The following WDR48 variants were observed in gnomAD, a reference collection of about 807,000 sequenced individuals.
WDR48 encodes WD repeat domain 48, also known as WD repeat-containing protein 48.
In WDR48, 22 loss-of-function variants were observed where a neutral mutation model predicts 94.0. That is an observed-to-expected ratio of 0.23 (90% CI 0.17 to 0.33). The LOEUF is 0.33. Ranked by LOEUF, WDR48 falls within the 10% of genes least tolerant of loss-of-function variation. The probability of loss-of-function intolerance (pLI) is 1.00; values close to 1 mark genes in which losing one functional copy is unlikely to be tolerated. For missense variants in WDR48, 541 were observed against 813.8 expected, an observed-to-expected ratio of 0.66 and a Z score of 4.08; for synonymous variants, 278 against 280.5, an observed-to-expected ratio of 0.99 and a Z score of 0.09.
In WDR48 at chr3:39,089,270, G is replaced by A; in HGVS notation, c.1620G>A (p.Met540Ile). 6.2e-7 allele frequency: 1 copy of A among 1,613,546 alleles called. No homozygotes were observed. Among genetic ancestry groups the A allele is most frequent in the Non-Finnish European group, 8.5e-7 (1 of 1,179,748 alleles). ...ATTCCGGGGGTGAGACTGAGTCTAT[G>A]CTTCTTAATGAAACAGTGCCACAAT... The part of the protein sequence containing the change: ...CRDSGGETES[M>I]LLNETVPQWV... Residue 540 changes from methionine (M) to isoleucine (I), a missense_variant, in exon 16 of 19, where the codon ATG becomes ATA. Around this residue, in one of 5 missense-constraint regions of WDR48, gnomAD observed 109 missense variants for 195.5 expected, o/e 0.56. Coordinates refer to ENST00000302313, the MANE Select transcript of WDR48 (RefSeq NM_020839.4).
Position 39,088,198 on chromosome 3 carries a change from G to C in WDR48, c.1545G>C (p.Val515=). The change falls in exon 15 of 19, where the codon GTG becomes GTC. Residue 515 remains valine, a synonymous_variant. Transcript: ENST00000302313. ...GYFQVPPHTP[V]IFGEAGGRTL... Reference sequence around the variant, plus strand: ...TTCAAGTGCCCCCACATACACCCGTGATCTTTGGTGAAGCTGGAGGTCGCA... The same window carrying C: ...TTCAAGTGCCCCCACATACACCCGTCATCTTTGGTGAAGCTGGAGGTCGCA... The C allele has an allele frequency of 1.9e-6, 3 of 1,614,212 alleles. No homozygotes were observed. Among genetic ancestry groups the C allele is most frequent in the Non-Finnish European group, 2.5e-6 (3 of 1,180,054 alleles).
chr3:39,060,213 A>G (rs1417397077), intron 1 of WDR48, among the ~76,000 whole-genome samples: 1 of 152,060 alleles, frequency 6.6e-6, no homozygotes, highest in African/African-American at 2.4e-5. Context: ...TTCATTAGCA[A>G]TTACTCCCCG....
At chr3:39,089,393 A>G in intron 16 of WDR48, 75 bp downstream of exon 16, 2 of 1,390,542 alleles carry the variant, frequency 1.4e-6, no homozygotes, top group South Asian at 1.4e-5. Context: ...TTTAGACATT[A>G]TAATTTTAAA....
At position 39,088,353 on chromosome 3, in the gene WDR48, A is replaced by C. The variant is rs2034920270; in HGVS notation, c.1580+120A>C. 2.2e-6 allele frequency: 2 copies of C among 930,226 alleles called. 1 individual carries two copies. The highest frequency in any genetic ancestry group is 4.7e-5 in the Admixed American group (2 of 42,994). The allele number at this position is 930,226 out of a possible 1,614,324, so 57.6% of individuals were successfully genotyped here. ...TTTATTATTAAATTCTAGGGATGCC[A>C]GGGATTGGAAGCATCCCATGTCCAT... On this transcript the variant is annotated intron_variant, in intron 15 of 18. Transcript: ENST00000302313.
In WDR48 at chr3:39,074,717, T is replaced by C; in HGVS notation, c.673-9T>C. 6.2e-7 allele frequency: 1 copy of C among 1,613,270 alleles called. No homozygotes were observed. Among genetic ancestry groups the C allele is most frequent in the Non-Finnish European group, 8.5e-7 (1 of 1,179,276 alleles). On this transcript the variant is annotated splice_polypyrimidine_tract_variant and intron_variant, in intron 7 of 18. Coordinates refer to ENST00000302313, the MANE Select transcript of WDR48 (RefSeq NM_020839.4). ...GGCAAGTTCTAACTTTGCCTTTCTT[T>C]GTTTGCAGTGCCTGTCAGGCAGTTC...
intron 10 of WDR48, among the ~76,000 whole-genome samples, chr3:39,078,512 G>A (rs1007234033): frequency 2.0e-5 from 3 of 151,656 alleles, no homozygotes; most frequent in Non-Finnish European, 2.9e-5. Flanking sequence ...CCTGCCTCCC[G>A]GGTTCAAGCC....
At position 39,085,535 on chromosome 3, in the gene WDR48, C is replaced by T; in HGVS notation, c.1399C>T (p.Leu467Phe). Residue 467 changes from leucine (L) to phenylalanine (F), a missense_variant, in exon 14 of 19, where the codon CTC becomes TTC. Leu to Phe is a conservative substitution (Grantham distance 22). This residue lies in a region of WDR48 where 238 missense variants were observed against 285.3 expected (regional missense o/e 0.83). Transcript: ENST00000302313. ...TGCAGTGAATTTAGGAGGACTTTTA[C>T]TCCAAGCACTCCTGGAATATTGGCC... ...DPKLNLGGLL[L>F]QALLEYWPRT... 6.2e-7 allele frequency: 1 copy of T among 1,611,120 alleles called. No individual in the cohort carries two copies. The highest frequency in any genetic ancestry group is 8.5e-7 in the Non-Finnish European group (1 of 1,179,160).
rs958584081 is a variant in WDR48 at position 39,094,830 on chromosome 3, G to T, written c.*87G>T. On this transcript the variant is annotated 3_prime_UTR_variant, in exon 19 of 19. Coordinates refer to ENST00000302313, the MANE Select transcript of WDR48 (RefSeq NM_020839.4). ...CCTAGGAAGCCCACTGATCCCCAAC[G>T]GGAGCAAGACTTCTAACGGCTGATT... 1 of 1,521,128 alleles carries T rather than the reference G, an allele frequency of 6.6e-7. No individual in the cohort carries two copies. The highest frequency in any genetic ancestry group is 8.9e-7 in the Non-Finnish European group (1 of 1,122,710). The allele number at this position is 1,521,128 out of a possible 1,614,324, so 94.2% of individuals were successfully genotyped here.
At chr3:39,073,526 A>G (rs1490022747) in intron 7 of WDR48, among the ~76,000 whole-genome samples, 2 of 152,120 alleles carry the variant, frequency 1.3e-5, no homozygotes, top group African/African-American at 2.4e-5. Flanking sequence ...CTGCTTACTT[A>G]ACTTCATACT....
intron 7 of WDR48, among the ~76,000 whole-genome samples, chr3:39,071,690 A>G (rs2033943265): frequency 6.6e-6 from 1 of 152,244 alleles, no homozygotes; most frequent in East Asian, 1.9e-4. Flanking sequence ...TCAGAGTGCA[A>G]ACTTGATAGG....
chr3:39,084,351 T>C (rs1187072941), intron 12 of WDR48, 89 bp downstream of exon 12: 1 of 925,042 alleles, frequency 1.1e-6, no homozygotes, highest in East Asian at 3.2e-5. Flanking sequence ...GAGTCCTGTG[T>C]TTTTAGGTGT....
Position 39,063,174 on chromosome 3 carries a change from G to A in WDR48, c.173G>A (p.Ser58Asn). The A allele has an allele frequency of 6.2e-7, 1 of 1,614,064 alleles. No homozygotes were observed. Among genetic ancestry groups the A allele is most frequent in the Non-Finnish European group, 8.5e-7 (1 of 1,179,968 alleles). ...AGRDSIIRIW[S>N]VNQHKQDPYI... is the part of the protein sequence containing the mutation. ...CGAGACTCTATCATAAGAATATGGA[G>A]TGTCAATCAGCACAAGGTAATGCAG... The change falls in exon 2 of 19, where the codon AGT becomes AAT. Residue 58 changes from serine to asparagine, a missense_variant. By Grantham distance (46) the Ser-to-Asn change is conservative. Coordinates refer to ENST00000302313, the MANE Select transcript of WDR48 (RefSeq NM_020839.4).
At position 39,052,366 on chromosome 3, in the gene WDR48, C is replaced by T. The variant is rs546369973; in HGVS notation, c.48+293C>T. 3.9e-5 allele frequency: 15 copies of T among 388,654 alleles called. No homozygotes were observed. The South Asian group carries it at 4.1e-4, about 11-fold the overall frequency. 24.1% of individuals were successfully genotyped at this position (388,654 alleles called of 1,614,324 possible). On this transcript the variant is annotated intron_variant, in intron 1 of 18. Transcript: ENST00000302313. Reference sequence around the variant, plus strand: ...AGTGGACTTGCGGGGTCGGGATAGGCTCGTTCCCCGCCCACTTGCCTCCCC... The same window carrying T: ...AGTGGACTTGCGGGGTCGGGATAGGTTCGTTCCCCGCCCACTTGCCTCCCC...
intron 6 of WDR48, 32 bp from the exon 7 acceptor site, chr3:39,069,611 T>C: frequency 6.5e-7 from 1 of 1,532,430 alleles, no homozygotes; most frequent in Non-Finnish European, 9.0e-7. Flanking sequence ...CTGATATATT[T>C]AGTTTGTGTA....
chr3:39,056,750 A>G (rs2032916100), intron 1 of WDR48, among the ~76,000 whole-genome samples: 1 of 152,220 alleles, frequency 6.6e-6, no homozygotes, highest in Admixed American at 6.5e-5. Flanking sequence ...TTGCCAACCC[A>G]TGTGCCTTTT....
chr3:39,081,904 A>T (rs114726685), intron 11 of WDR48, among the ~76,000 whole-genome samples: 2,315 of 152,356 alleles, frequency 0.015, 22 homozygotes, highest in South Asian at 0.042. Flanking sequence ...TCCCATATCT[A>T]GACCTTGAAG....
rs1213540718 is a variant in WDR48 at position 39,091,674 on chromosome 3, C to A, written c.1718C>A (p.Ala573Glu). 1.2e-6 allele frequency: 2 copies of A among 1,607,230 alleles called. No homozygotes were observed. The highest frequency in any genetic ancestry group is 4.5e-5 in the East Asian group (2 of 44,506). Residue 573 changes from alanine (A) to glutamate (E), a missense_variant, in exon 17 of 19, where the codon GCA becomes GAA. Physicochemically the swap from Ala to Glu is moderately radical, Grantham distance 107. Transcript: ENST00000302313. The part of the protein sequence containing the change: ...NKIPFYLQPH[A>E]SSGAKTLKKD... ...ATTCCTTTCTACCTCCAACCTCATG[C>A]ATCTTCAGGAGCAAAAACCTTAAAA...
intron 16 of WDR48, chr3:39,090,882 T>C (rs2035043271): frequency 6.6e-6 from 1 of 152,346 alleles, no homozygotes; most frequent in South Asian, 2.1e-4. Context: ...TATTCCATGG[T>C]CTTCTCTATG....
Position 39,094,672 on chromosome 3 carries a change from CGAACAGTGAAA to C in WDR48, c.1964_1974del (p.Arg655ProfsTer57). 6.2e-7 allele frequency: 1 copy of C among 1,614,122 alleles called. No individual in the cohort carries two copies. Among genetic ancestry groups the C allele is most frequent in the Non-Finnish European group, 8.5e-7 (1 of 1,180,018 alleles). The stretch of plus-strand genomic sequence containing the variant: ...GGTTTTGGATCCAAATATGGACCTT[CGAACAGTGAAA>C]CACTTCATATGGAAGAGCGGTGGAG... On this transcript the variant is annotated frameshift_variant, in exon 19 of 19. Coordinates refer to ENST00000302313, the MANE Select transcript of WDR48 (RefSeq NM_020839.4). LOFTEE classifies it high-confidence loss of function.
Sources: allele counts gnomAD v4.1 joint callset (sites outside exome capture counted in the v4.1 genomes callset), GRCh38; gene constraint gnomAD v4.1.1; regional missense constraint gnomAD v4.1.1; transcripts MANE v1.5; gene names NCBI Gene and HGNC (gene_info 2026-07-23, HGNC 2026-07-21).